The following PLCB4 variants were observed in gnomAD, a reference collection of about 807,000 sequenced individuals.
PLCB4 encodes phospholipase C beta 4.
In PLCB4, 77 loss-of-function variants were observed where a neutral mutation model predicts 178.8. The ratio of observed to expected loss-of-function variants is 0.43; its 90% CI spans 0.36 to 0.52. The LOEUF is 0.52. PLCB4 is among the 20% of genes least tolerant of loss of function. PLCB4 has a pLI of 0.00. For missense variants in PLCB4, 1,024 were observed against 1,453.4 expected, an observed-to-expected ratio of 0.70 and a Z score of 4.80; for synonymous variants, 496 against 490.8, an observed-to-expected ratio of 1.01 and a Z score of -0.14.
chr20:9,427,242 A>G (rs992569121), intron 28 of PLCB4, among the ~76,000 whole-genome samples: 3 of 152,038 alleles, frequency 2.0e-5, no homozygotes, highest in Non-Finnish European at 4.4e-5. Flanking sequence ...AACAACAACA[A>G]CAAAATAACT....
chr20:9,479,198 A>G lies in PLCB4; in HGVS notation c.*189A>G, dbSNP rs750084846. 1.4e-5 allele frequency: 8 copies of G among 574,782 alleles called. No homozygotes were observed. The highest frequency in any genetic ancestry group is 2.2e-5 in the Non-Finnish European group (7 of 320,820). The allele number at this position is 574,782 out of a possible 1,614,324, so 35.6% of individuals were successfully genotyped here. A position where few individuals can be genotyped will look rare whatever the true frequency, so the allele number is the denominator to read the frequency against. On this transcript the variant is annotated 3_prime_UTR_variant, in exon 40 of 40. Coordinates refer to ENST00000378473, the MANE Select transcript of PLCB4 (RefSeq NM_001377142.1). ...ATTGCATTTCCTTGGCCAAACAAAAATAGCTACAAATCCACAAAAATTTAC... is the reference window on the plus strand; with the variant it reads ...ATTGCATTTCCTTGGCCAAACAAAAGTAGCTACAAATCCACAAAAATTTAC...
chr20:9,471,890 G>A (rs567808039), intron 36 of PLCB4, among the ~76,000 whole-genome samples: 2 of 152,286 alleles, frequency 1.3e-5, no homozygotes, highest in African/African-American at 4.8e-5. Flanking sequence ...AGCAGCCTTT[G>A]CCTGTGTGCA....
intron 25 of PLCB4, among the ~76,000 whole-genome samples, chr20:9,414,689 G>C (rs991756431): frequency 6.6e-6 from 1 of 152,160 alleles, no homozygotes; most frequent in African/African-American, 2.4e-5. Context: ...GTGGGAGGAC[G>C]CACCACTGGG....
chr20:9,169,418 T>G (rs948333501), intron 2 of PLCB4, among the ~76,000 whole-genome samples: 1 of 136,148 alleles, frequency 7.3e-6, no homozygotes, highest in Non-Finnish European at 1.6e-5. Flanking sequence ...TGAAACCCCA[T>G]CTCTTAAAAA....
intron 2 of PLCB4, among the ~76,000 whole-genome samples, chr20:9,191,691 T>C (rs2093406275): frequency 6.6e-6 from 1 of 152,060 alleles, no homozygotes; most frequent in Non-Finnish European, 1.5e-5. Context: ...TGTTTGGAAA[T>C]ATACCCCGAG....
chr20:9,092,831 C>CA (rs1247919052), intron 1 of PLCB4, among the ~76,000 whole-genome samples: 3 of 152,108 alleles, frequency 2.0e-5, no homozygotes, highest in African/African-American at 7.2e-5. Context: ...TTGTTTACAT[C>CA]ATGAGAATGA....
intron 21 of PLCB4, among the ~76,000 whole-genome samples, chr20:9,407,229 G>A (rs1316386614): frequency 6.6e-6 from 1 of 152,116 alleles, no homozygotes; most frequent in East Asian, 1.9e-4. Context: ...CCAGGAATCT[G>A]TTCTAGTTTA....
intron 2 of PLCB4, among the ~76,000 whole-genome samples, chr20:9,108,930 A>G (rs2146678410): frequency 6.6e-6 from 1 of 151,820 alleles, no homozygotes; most frequent in South Asian, 2.1e-4. Flanking sequence ...AGAGAGAAAG[A>G]GAGAGAGGAG....
intron 2 of PLCB4, among the ~76,000 whole-genome samples, chr20:9,198,866 C>T (rs1424366257): frequency 1.3e-5 from 2 of 152,060 alleles, no homozygotes; most frequent in Non-Finnish European, 2.9e-5. Context: ...CACTGTGTTC[C>T]CAAATTTTGA....
chr20:9,280,166 C>A (rs188426671), intron 3 of PLCB4, among the ~76,000 whole-genome samples: 33 of 152,084 alleles, frequency 2.2e-4, no homozygotes, highest in African/African-American at 7.7e-4. Context: ...AGAAGAGGGG[C>A]TGTGGGGTTT....
chr20:9,222,729 AG>A (rs753474539), intron 3 of PLCB4, among the ~76,000 whole-genome samples: 60 of 152,200 alleles, frequency 3.9e-4, no homozygotes, highest in Non-Finnish European at 3.1e-4. Context: ...TTTCAAGACT[AG>A]CCATATTTCA....
chr20:9,435,747 A>G, intron 29 of PLCB4, 99 bp downstream of exon 29: 1 of 708,244 alleles, frequency 1.4e-6, no homozygotes. Flanking sequence ...TAGCAAATTT[A>G]AGGAGGGTTT....
At chr20:9,354,265 G>T (rs2034589785) in intron 7 of PLCB4, among the ~76,000 whole-genome samples, 1 of 152,230 alleles carries the variant, frequency 6.6e-6, no homozygotes, top group Non-Finnish European at 1.5e-5. Flanking sequence ...CCTAAAGGTA[G>T]TTAGTTAGCG....
chr20:9,208,211 C>T (rs1276821669), intron 2 of PLCB4, among the ~76,000 whole-genome samples: 2 of 152,178 alleles, frequency 1.3e-5, no homozygotes, highest in Non-Finnish European at 2.9e-5. Context: ...AATTCATGCT[C>T]CTTTGCTTAC....
intron 2 of PLCB4, among the ~76,000 whole-genome samples, chr20:9,097,190 C>T (rs2090945937): frequency 6.6e-6 from 1 of 150,644 alleles, no homozygotes; most frequent in Non-Finnish European, 1.5e-5. Flanking sequence ...CTACCCCGGC[C>T]TCCGAAAGTG....
chr20:9,432,112 G>T (rs1024953822), intron 28 of PLCB4, among the ~76,000 whole-genome samples: 2 of 152,062 alleles, frequency 1.3e-5, no homozygotes, highest in African/African-American at 4.8e-5. Context: ...ATAATTTTCA[G>T]AACTATGCCG....
At chr20:9,167,503 C>A (rs2092992431) in intron 2 of PLCB4, among the ~76,000 whole-genome samples, 1 of 151,922 alleles carries the variant, frequency 6.6e-6, no homozygotes, top group African/African-American at 2.4e-5. Context: ...GTCTCTTTTC[C>A]TAAATAAGAA....
In PLCB4 at chr20:9,135,156, G is replaced by C. The variant is rs184944728; in HGVS notation, c.-79+38814G>C. On this transcript the variant is annotated intron_variant, in intron 2 of 39. Transcript: ENST00000378473. ...CTCCCAACTTCTGCACAATGTGTGT[G>C]TATATATATTTATATACACACAAGG... Among the ~76,000 whole-genome samples the C allele has an allele frequency of 5.9e-5, 9 of 152,024 alleles. No individual in the cohort carries two copies. The East Asian group carries it at 1.7e-3, about 29-fold the overall frequency.
At chr20:9,351,770 C>T (rs116131365) in intron 7 of PLCB4, among the ~76,000 whole-genome samples, 3,785 of 152,262 alleles carry the variant, frequency 0.025, 155 homozygotes, top group African/African-American at 0.083. Flanking sequence ...TAGACAAAGG[C>T]TTCTTGATTG....
Sources: allele counts gnomAD v4.1 joint callset (sites outside exome capture counted in the v4.1 genomes callset), GRCh38; gene constraint gnomAD v4.1.1; transcripts MANE v1.5; gene names NCBI Gene and HGNC (gene_info 2026-07-23, HGNC 2026-07-21).